The following GPC5 variants were observed in gnomAD, a reference collection of about 807,000 sequenced individuals.
GPC5 encodes glypican-5.
Under a neutral mutation model 53.9 loss-of-function variants are expected in GPC5, and 47 were observed. The observed-to-expected ratio is 0.87, with a 90% CI of 0.69 to 1.11. GPC5 has a LOEUF of 1.11. Ranked by LOEUF, GPC5 falls within the 50% of genes most tolerant of loss-of-function variation. The pLI, the probability that GPC5 is intolerant of heterozygous loss-of-function variation, is 0.00. For missense variants in GPC5, 748 were observed against 713.1 expected, an observed-to-expected ratio of 1.05 and a Z score of -0.56; for synonymous variants, 286 against 263.3, an observed-to-expected ratio of 1.09 and a Z score of -0.84.
intron 7 of GPC5, among the ~76,000 whole-genome samples, chr13:92,821,444 C>T (rs1486689922): frequency 6.6e-6 from 1 of 152,098 alleles, no homozygotes; most frequent in African/African-American, 2.4e-5. Flanking sequence ...GAAATGGTCT[C>T]CAGTCCTCTT....
intron 6 of GPC5, among the ~76,000 whole-genome samples, chr13:91,934,867 C>G (rs2039855284): frequency 6.6e-6 from 1 of 151,956 alleles, no homozygotes; most frequent in African/African-American, 2.4e-5. Context: ...ACATTGACCA[C>G]AAGACATTCA....
At chr13:91,893,149 T>C (rs968449012) in intron 5 of GPC5, among the ~76,000 whole-genome samples, 3 of 152,008 alleles carry the variant, frequency 2.0e-5, no homozygotes, top group Non-Finnish European at 4.4e-5. Flanking sequence ...CAAACAAAGA[T>C]CATTCTGTTT....
At chr13:92,161,100 G>T (rs1462234023) in intron 7 of GPC5, among the ~76,000 whole-genome samples, 1 of 150,940 alleles carries the variant, frequency 6.6e-6, no homozygotes, top group Admixed American at 6.6e-5. Context: ...TCTAGGGAAA[G>T]TCAGGAAGCA....
chr13:92,594,005 A>G (rs9584046), intron 7 of GPC5, among the ~76,000 whole-genome samples: 6,170 of 152,194 alleles, frequency 0.041, 395 homozygotes, highest in African/African-American at 0.13. Flanking sequence ...GTAGACAAGG[A>G]AACAACAGGC....
intron 6 of GPC5, among the ~76,000 whole-genome samples, chr13:92,091,411 A>G (rs1388805731): frequency 2.0e-5 from 3 of 152,112 alleles, no homozygotes; most frequent in African/African-American, 7.2e-5. Flanking sequence ...GCATATATTC[A>G]TACAAATAAC....
intron 5 of GPC5, among the ~76,000 whole-genome samples, chr13:91,884,824 A>C (rs1394536013): frequency 1.3e-5 from 2 of 152,136 alleles, no homozygotes; most frequent in African/African-American, 4.8e-5. Flanking sequence ...TTTTAATACT[A>C]TCTCAAAATA....
intron 2 of GPC5, among the ~76,000 whole-genome samples, chr13:91,570,737 T>G (rs1374970670): frequency 6.6e-6 from 1 of 152,216 alleles, no homozygotes; most frequent in African/African-American, 2.4e-5. Flanking sequence ...TTTTAAAAAT[T>G]AGAGCCATCG....
intron 7 of GPC5, among the ~76,000 whole-genome samples, chr13:92,519,494 A>G (rs566564747): frequency 6.6e-6 from 1 of 152,346 alleles, no homozygotes; most frequent in East Asian, 1.9e-4. Context: ...CCGCTCAACT[A>G]CGTGGAAACT....
At chr13:92,698,127 C>T (rs1234221735) in intron 7 of GPC5, among the ~76,000 whole-genome samples, 1 of 151,764 alleles carries the variant, frequency 6.6e-6, no homozygotes, top group Non-Finnish European at 1.5e-5. Flanking sequence ...ACTTTCACAT[C>T]GATGTTCATC....
intron 2 of GPC5, among the ~76,000 whole-genome samples, chr13:91,508,901 G>A (rs1021474973): frequency 1.3e-5 from 2 of 152,130 alleles, no homozygotes; most frequent in African/African-American, 4.8e-5. Flanking sequence ...CCCCCAAAAA[G>A]CATCATTAGG....
At chr13:92,201,900 T>C (rs2042297769) in intron 7 of GPC5, among the ~76,000 whole-genome samples, 1 of 152,236 alleles carries the variant, frequency 6.6e-6, no homozygotes, top group Admixed American at 6.5e-5. Context: ...AATTGATTTT[T>C]ACTTCATGGA....
At chr13:92,503,182 C>T (rs576105956) in intron 7 of GPC5, among the ~76,000 whole-genome samples, 1 of 151,896 alleles carries the variant, frequency 6.6e-6, no homozygotes, top group South Asian at 2.1e-4. Flanking sequence ...AACTATCATC[C>T]AAATAATGTA....
At chr13:92,726,860 C>A (rs1888663036) in intron 7 of GPC5, among the ~76,000 whole-genome samples, 1 of 151,350 alleles carries the variant, frequency 6.6e-6, no homozygotes, top group Non-Finnish European at 1.5e-5. Flanking sequence ...AATGTACTAA[C>A]AAATCAAAGC....
intron 6 of GPC5, among the ~76,000 whole-genome samples, chr13:92,079,069 G>A (rs539046166): frequency 4.0e-5 from 6 of 150,664 alleles, no homozygotes; most frequent in South Asian, 2.1e-4. Flanking sequence ...CTTTTTTTTC[G>A]AGATGGAATT....
intron 5 of GPC5, among the ~76,000 whole-genome samples, chr13:91,848,114 A>G (rs2038872985): frequency 1.3e-5 from 2 of 152,220 alleles, no homozygotes; most frequent in Non-Finnish European, 2.9e-5. Flanking sequence ...CTTTTCACAT[A>G]AAAATCATAA....
At chr13:92,031,313 C>G (rs894123891) in intron 6 of GPC5, among the ~76,000 whole-genome samples, 3 of 152,254 alleles carry the variant, frequency 2.0e-5, no homozygotes, top group African/African-American at 4.8e-5. Context: ...TCTGACTTCA[C>G]CTTTGAGGTC....
At chr13:92,611,245 T>C (rs1167850515) in intron 7 of GPC5, among the ~76,000 whole-genome samples, 1 of 152,166 alleles carries the variant, frequency 6.6e-6, no homozygotes, top group Admixed American at 6.5e-5. Context: ...TATAATTAAT[T>C]GCATCAGACT....
At chr13:91,551,629 G>A (rs982796547) in intron 2 of GPC5, among the ~76,000 whole-genome samples, 1 of 152,086 alleles carries the variant, frequency 6.6e-6, no homozygotes, top group Non-Finnish European at 1.5e-5. Context: ...AATGGGGATA[G>A]CAAATAATAG....
intron 7 of GPC5, among the ~76,000 whole-genome samples, chr13:92,483,617 T>TA (rs1566610471): frequency 1.3e-5 from 2 of 151,940 alleles, no homozygotes; most frequent in African/African-American, 2.4e-5. Context: ...CAACAATTAT[T>TA]AAAAATATTT....
Sources: gnomAD v4.1 joint callset for allele counts (sites outside exome capture counted in the v4.1 genomes callset) on GRCh38, gnomAD v4.1.1 for gene constraint, MANE v1.5 for transcripts, NCBI Gene and HGNC (gene_info 2026-07-23, HGNC 2026-07-21) for gene names.